Variants in MPP1 observed in about 807,000 individuals in gnomAD.
The protein encoded by MPP1 is 55 kDa erythrocyte membrane protein.
MPP1 carries 6 observed loss-of-function variants against 38.2 expected under a neutral mutation model. The ratio of observed to expected loss-of-function variants is 0.16; its 90% CI spans 0.09 to 0.31. The LOEUF is 0.31. Among genes scored for constraint, MPP1 ranks in the 10% least tolerant of loss-of-function variants. The pLI, the probability that MPP1 is intolerant of heterozygous loss-of-function variation, is 1.00. For missense variants in MPP1, 293 were observed against 368.9 expected, an observed-to-expected ratio of 0.79 and a Z score of 1.69; for synonymous variants, 153 against 146.3, an observed-to-expected ratio of 1.05 and a Z score of -0.33.
rs781982451 is a variant in MPP1 at position 154,790,028 on chromosome X, A to T, written c.412-6T>A. 1.5e-5 allele frequency: 17 copies of T among 1,097,498 alleles called. No individual in the cohort carries two copies. Among genetic ancestry groups the T allele is most frequent in the Non-Finnish European group, 2.0e-5 (16 of 803,410 alleles). 90.4% of individuals were successfully genotyped at this position (1,097,498 alleles called of 1,213,427 possible). On this transcript the variant is annotated splice_polypyrimidine_tract_variant and splice_region_variant and intron_variant, in intron 4 of 11. Transcript: ENST00000369534. ...ATCATTCCTTTGGTTTCTTTCTATT[A>T]AAAAAAATGGACATAAAATTGTACA... is the stretch of plus-strand genomic sequence containing the variant.
chrX:154,790,876 C>T, intron 4 of MPP1, 107 bp downstream of exon 4: 1 of 647,638 alleles, frequency 1.5e-6, no homozygotes, highest in Non-Finnish European at 2.4e-6. Context: ...AGAGCCCCCT[C>T]AAGAAGGTAC....
chrX:154,795,570 G>A (rs1557268084), intron 1 of MPP1, among the ~76,000 whole-genome samples: 3 of 111,067 alleles, frequency 2.7e-5, no homozygotes, highest in African/African-American at 9.9e-5. Context: ...TTCGAGACCA[G>A]CCTAGGCAAC....
intron 9 of MPP1, chrX:154,783,215 A>G (rs1557266810): frequency 4.6e-6 from 1 of 216,533 alleles, no homozygotes; most frequent in African/African-American, 2.9e-5. Context: ...TCTGTTATGT[A>G]GACAAACAGC....
chrX:154,781,222 G>A lies in MPP1; in HGVS notation c.1224+17C>T, dbSNP rs782636332. ...CCGGAGAAAGTGAACTACCCATCGC[G>A]CACAACCTCTCCTCACCTGAGTGCC... On this transcript the variant is annotated intron_variant, in intron 11 of 11. Coordinates refer to ENST00000369534, the MANE Select transcript of MPP1 (RefSeq NM_002436.4). 1.1e-5 allele frequency: 13 copies of A among 1,190,997 alleles called. No individual in the cohort carries two copies. Among genetic ancestry groups the A allele is most frequent in the Admixed American group, 4.5e-5 (2 of 44,383 alleles).
intron 9 of MPP1, chrX:154,782,484 G>A (rs1557266739): frequency 8.9e-6 from 1 of 111,742 alleles, no homozygotes; most frequent in Non-Finnish European, 1.9e-5. Flanking sequence ...ACTCACTCCT[G>A]GGGCCATCTC....
At chrX:154,792,448 C>T in intron 1 of MPP1, 163 bp from the exon 2 acceptor site, 3 of 597,826 alleles carry the variant, frequency 5.0e-6, no homozygotes, top group South Asian at 7.6e-5. Context: ...AGCTTTATTT[C>T]TCCAACTTAA....
chrX:154,780,287 G>GA (rs782710206), intron 11 of MPP1, among the ~76,000 whole-genome samples: 1 of 112,355 alleles, frequency 8.9e-6, no homozygotes, highest in East Asian at 2.8e-4. Flanking sequence ...TGCCAAATTG[G>GA]AAAAAAATTG....
chrX:154,801,758 CAAAAA>C (rs781902044), intron 1 of MPP1, among the ~76,000 whole-genome samples: 1 of 6,851 alleles, frequency 1.5e-4, no homozygotes, highest in Non-Finnish European at 2.2e-4. Context: ...AACTCTGTCT[CAAAAA>C]AAAAAAAAAA....
chrX:154,781,214 C>T (rs1283030521), intron 11 of MPP1, 25 bp downstream of exon 11: 3 of 1,175,353 alleles, frequency 2.6e-6, no homozygotes, highest in East Asian at 3.0e-5. Context: ...AAGTGAACTA[C>T]CCATCGCGCA....
chrX:154,790,103 T>C (rs1390043199), intron 4 of MPP1, 81 bp from the exon 5 acceptor site: 22 of 611,041 alleles, frequency 3.6e-5, no homozygotes, highest in Non-Finnish European at 4.6e-5. Flanking sequence ...CCAGGTTTTT[T>C]TCCCCAACAA....
At chrX:154,786,080 G>T in intron 6 of MPP1, 124 bp downstream of exon 6, 469 of 555,142 alleles carry the variant, frequency 8.4e-4, no homozygotes, top group Non-Finnish European at 1.2e-3. Flanking sequence ...CACCCATTAT[G>T]CCAGGAAATC....
In MPP1 at chrX:154,805,432, C is replaced by G. The variant is rs1372562561; in HGVS notation, c.-59G>C. ...GGGCAGCGCTGGGAATGACAGGGCC[C>G]GGGGCCTGCGGGGCTGCGGAGAAGG... On this transcript the variant is annotated 5_prime_UTR_variant, in exon 1 of 12. Transcript: ENST00000369534. 1.9e-6 allele frequency: 2 copies of G among 1,035,304 alleles called. No individual in the cohort carries two copies. The highest frequency in any genetic ancestry group is 2.6e-6 in the Non-Finnish European group (2 of 758,794). 85.3% of individuals were successfully genotyped at this position (1,035,304 alleles called of 1,213,427 possible).
chrX:154,787,137 CA>C (rs1569558863), intron 5 of MPP1, among the ~76,000 whole-genome samples: 2,608 of 100,556 alleles, frequency 0.026, 89 homozygotes, highest in African/African-American at 0.084. Context: ...CACACACACA[CA>C]CACACACACC....
intron 1 of MPP1, among the ~76,000 whole-genome samples, chrX:154,799,514 T>C (rs1421637564): frequency 1.8e-5 from 2 of 112,441 alleles, no homozygotes; most frequent in African/African-American, 6.5e-5. Flanking sequence ...GTCAGTGACA[T>C]GAGTAATGCT....
intron 6 of MPP1, 89 bp downstream of exon 6, chrX:154,786,115 C>A: frequency 2.3e-6 from 2 of 888,703 alleles, no homozygotes; most frequent in Non-Finnish European, 3.1e-6. Flanking sequence ...GGTTGAGAAA[C>A]AGAAACTACA....
intron 5 of MPP1, among the ~76,000 whole-genome samples, chrX:154,787,141 CA>C (rs1569558868): frequency 1.1e-4 from 9 of 83,657 alleles, no homozygotes; most frequent in African/African-American, 2.1e-4. Context: ...CACACACACA[CA>C]CACACCTACC....
chrX:154,784,028 C>T lies in MPP1; in HGVS notation c.865G>A (p.Gly289Arg). 8.3e-7 allele frequency: 1 copy of T among 1,207,443 alleles called. No individual in the cohort carries two copies. The highest frequency in any genetic ancestry group is 1.1e-6 in the Non-Finnish European group (1 of 892,420). Residue 289 changes from glycine (G) to arginine (R), a missense_variant and splice_region_variant, in exon 8 of 12, where the codon GGA becomes AGA. Transcript: ENST00000369534. ...AFKRKTLVLI[G>R]ASGVGRSHIK... The stretch of plus-strand genomic sequence containing the variant: ...TGCAAATGGGGCAATGAGAAGATAC[C>T]GATCAGCACCAGGGTCTTCCTCTTG...
intron 7 of MPP1, chrX:154,784,791 C>A: frequency 2.4e-6 from 1 of 424,384 alleles, no homozygotes. Flanking sequence ...CCCTCTCCCA[C>A]CACATCTACT....
In MPP1 at chrX:154,792,280, T is replaced by C. The variant is rs782546329; in HGVS notation, c.108A>G (p.Val36=). Residue 36 remains valine, a synonymous_variant, in exon 2 of 12, where the codon GTA becomes GTG. Coordinates refer to ENST00000369534, the MANE Select transcript of MPP1 (RefSeq NM_002436.4). ...LLQKRSRPEA[V]SHPLNTVTED... ...CGGTCACAGTATTCAATGGATGCGA[T>C]ACAGCCTGCCAAGCCAAAACAACAA... The C allele has an allele frequency of 2.5e-6, 3 of 1,200,811 alleles. No homozygotes were observed. Among genetic ancestry groups the C allele is most frequent in the South Asian group, 1.8e-5 (1 of 55,669 alleles).
Sources: gnomAD v4.1 joint callset for allele counts (sites outside exome capture counted in the v4.1 genomes callset) on GRCh38, gnomAD v4.1.1 for gene constraint, MANE v1.5 for transcripts, NCBI Gene and HGNC (gene_info 2026-07-23, HGNC 2026-07-21) for gene names.